The following FRAS1 variants were observed in gnomAD, a reference collection of about 807,000 sequenced individuals.
FRAS1 encodes the protein extracellular matrix organizing protein FRAS1.
A neutral mutation model predicts 435.2 loss-of-function variants in FRAS1; 290 were observed. The ratio of observed to expected loss-of-function variants is 0.67; its 90% confidence interval spans 0.61 to 0.73. FRAS1 has a LOEUF of 0.73. Among genes scored for constraint, FRAS1 ranks in the 30% least tolerant of loss-of-function variants. FRAS1 has a pLI of 0.00. For missense variants in FRAS1, 4,860 were observed against 5,001.5 expected (o/e 0.97, Z 0.85); for synonymous variants, 1,800 against 1,851.0 (o/e 0.97, Z 0.71).
At chr4:78,538,537 T>C (rs550629922) in intron 72 of FRAS1, among the ~76,000 whole-genome samples, 34 of 152,306 alleles carry the variant, frequency 2.2e-4, no homozygotes, top group African/African-American at 7.9e-4. Flanking sequence ...AGAGGTTTCA[T>C]TGACTTACAG....
At chr4:78,356,887 T>C (rs395186) in intron 20 of FRAS1, among the ~76,000 whole-genome samples, 25,802 of 152,028 alleles carry the variant, frequency 0.17, 2,884 homozygotes, top group African/African-American at 0.32. Context: ...CACACACGCA[T>C]ACACACACAG....
chr4:78,127,065 C>A (rs1297509272), intron 2 of FRAS1, among the ~76,000 whole-genome samples: 9 of 145,346 alleles, frequency 6.2e-5, no homozygotes, highest in Admixed American at 2.2e-4. Flanking sequence ...TCTAGTGAAC[C>A]AGACATATGT....
At chr4:78,137,882 C>T (rs1461418378) in intron 2 of FRAS1, among the ~76,000 whole-genome samples, 1 of 152,186 alleles carries the variant, frequency 6.6e-6, no homozygotes, top group African/African-American at 2.4e-5. Context: ...TGCCAGATTG[C>T]TTTAAGAGTT....
intron 2 of FRAS1, among the ~76,000 whole-genome samples, chr4:78,165,499 C>T (rs1373641594): frequency 6.6e-6 from 1 of 152,186 alleles, no homozygotes; most frequent in Non-Finnish European, 1.5e-5. Flanking sequence ...TCCACTTACT[C>T]TTCTGTAAAA....
chr4:78,257,509 G>A (rs1725848817), intron 6 of FRAS1, among the ~76,000 whole-genome samples: 2 of 152,176 alleles, frequency 1.3e-5, no homozygotes, highest in Non-Finnish European at 2.9e-5. Context: ...TTTGCAACCT[G>A]TCTTCAAGGA....
intron 23 of FRAS1, among the ~76,000 whole-genome samples, chr4:78,371,790 C>T (rs377084690): frequency 1.8e-3 from 270 of 152,320 alleles, no homozygotes; most frequent in African/African-American, 6.2e-3. Context: ...TTTCTGACTG[C>T]GTCAGAATTG....
chr4:78,079,287 G>A (rs556782281), intron 2 of FRAS1, among the ~76,000 whole-genome samples: 20 of 152,286 alleles, frequency 1.3e-4, no homozygotes, highest in African/African-American at 4.6e-4. Context: ...TAAGGAATCA[G>A]TGGAGAGAAA....
chr4:78,216,716 A>G (rs1723783324), intron 2 of FRAS1, among the ~76,000 whole-genome samples: 1 of 152,210 alleles, frequency 6.6e-6, no homozygotes, highest in Non-Finnish European at 1.5e-5. Flanking sequence ...TAGTGCCATG[A>G]AGCGAAATGG....
chr4:78,317,452 G>A lies in FRAS1; in HGVS notation c.1904G>A (p.Gly635Asp), dbSNP rs748717802. ...ACSPPKALRQ[G>D]HCLPRCGEGF... ...AGCCCCCCCAAGGCTCTGCGTCAAG[G>A]CCACTGTCTGCCCCGCTGTGGAGAG... Residue 635 changes from glycine (G) to aspartate (D), a missense_variant, in exon 17 of 74, where the codon GGC (glycine) becomes GAC (aspartate). By Grantham distance (94) the Gly-to-Asp change is moderately conservative. Coordinates refer to ENST00000512123, the MANE Select transcript of FRAS1 (RefSeq NM_025074.7). The A allele has an allele frequency of 6.2e-7, 1 of 1,613,888 alleles. No individual in the cohort carries two copies. Among genetic ancestry groups the A allele is most frequent in the Non-Finnish European group, 8.5e-7 (1 of 1,179,862 alleles).
At chr4:78,173,677 C>G (rs1251516776) in intron 2 of FRAS1, among the ~76,000 whole-genome samples, 1 of 152,186 alleles carries the variant, frequency 6.6e-6, no homozygotes, top group East Asian at 1.9e-4. Context: ...TTACTCAACT[C>G]ACGTCTTTCT....
intron 31 of FRAS1, among the ~76,000 whole-genome samples, chr4:78,409,211 TTAA>T (rs962000311): frequency 1.3e-5 from 2 of 150,306 alleles, no homozygotes; most frequent in African/African-American, 2.4e-5. Context: ...AAATTATAAA[TTAA>T]TAATAAAAGG....
At chr4:78,193,139 A>T (rs547728773) in intron 2 of FRAS1, among the ~76,000 whole-genome samples, 1 of 152,270 alleles carries the variant, frequency 6.6e-6, no homozygotes, top group African/African-American at 2.4e-5. Context: ...TCTGAGAGAC[A>T]GTTTGTTATC....
At chr4:78,185,778 A>G (rs115080804) in intron 2 of FRAS1, among the ~76,000 whole-genome samples, 148 of 152,196 alleles carry the variant, frequency 9.7e-4, no homozygotes, top group African/African-American at 3.5e-3. Context: ...AAAATCATCA[A>G]CCTTGGCTTT....
In FRAS1 at chr4:78,439,050, G is replaced by T. The variant is rs2109823495; in HGVS notation, c.5515G>T (p.Ala1839Ser). The part of the protein sequence containing the change: ...AENPPPVIAF[A>S]DLITVDEGGR... ...AAATCCACCTCCAGTCATTGCTTTTGCTGACCTTATCACGGTAAACAATTC... is the reference window on the plus strand; with the variant it reads ...AAATCCACCTCCAGTCATTGCTTTTTCTGACCTTATCACGGTAAACAATTC... Residue 1839 changes from alanine to serine, a missense_variant, in exon 40 of 74, where the codon GCT becomes TCT. Ala to Ser is a moderately conservative substitution (Grantham distance 99). Transcript: ENST00000512123. The T allele has an allele frequency of 6.2e-7, 1 of 1,612,970 alleles. No individual in the cohort carries two copies.
intron 2 of FRAS1, 114 bp from the exon 3 acceptor site, chr4:78,237,396 T>C: frequency 1.4e-6 from 1 of 691,358 alleles, no homozygotes; most frequent in South Asian, 1.9e-5. Flanking sequence ...GGTGTGCCTG[T>C]GACTTTTCTT....
chr4:78,477,912 G>T lies in FRAS1; in HGVS notation c.7949G>T (p.Ser2650Ile). The T allele has an allele frequency of 6.2e-7, 1 of 1,613,642 alleles. No homozygotes were observed. Among genetic ancestry groups the T allele is most frequent in the Non-Finnish European group, 8.5e-7 (1 of 1,179,780 alleles). Residue 2650 changes from serine to isoleucine, a missense_variant, in exon 55 of 74, where the codon AGC becomes ATC. Physicochemically the swap from Ser to Ile is moderately radical, Grantham distance 142. Coordinates refer to ENST00000512123, the MANE Select transcript of FRAS1 (RefSeq NM_025074.7). ...GTTGAGAGTTTCACTGTGGAGCTCA[G>T]CATGCCAGCTTATGCCCTGTTAGGG... ...ENVESFTVEL[S>I]MPAYALLGEF...
rs1721314838 is a variant in FRAS1, at chr4:78,519,405, C to CAGGG, written c.10465_10468dup (p.Gly3490GlufsTer19). The CAGGG allele has an allele frequency of 6.2e-7, 1 of 1,611,100 alleles. No individual in the cohort carries two copies. Among genetic ancestry groups the CAGGG allele is most frequent in the Non-Finnish European group, 8.5e-7 (1 of 1,178,846 alleles). On this transcript the variant is annotated frameshift_variant, in exon 67 of 74. Coordinates refer to ENST00000512123, the MANE Select transcript of FRAS1 (RefSeq NM_025074.7). LOFTEE classifies it high-confidence loss of function. ...TGTCCTACATCTATGTGACAGCCCC[C>CAGGG]AGGGGCTGGGCCTCCTTGGAGCACC...
chr4:78,539,476 AG>A, intron 73 of FRAS1, 36 bp downstream of exon 73: 5 of 1,495,232 alleles, frequency 3.3e-6, no homozygotes, highest in Non-Finnish European at 4.5e-6. Flanking sequence ...CTTAAGACCA[AG>A]TCTACTTTAA....
At chr4:78,374,448 T>G (rs1379368182) in intron 25 of FRAS1, among the ~76,000 whole-genome samples, 197 bp downstream of exon 25, 1 of 152,210 alleles carries the variant, frequency 6.6e-6, no homozygotes, top group Non-Finnish European at 1.5e-5. Flanking sequence ...TGTAAGCCAA[T>G]ATTCTCTTAC....
Sources: gnomAD v4.1 joint callset for allele counts (sites outside exome capture counted in the v4.1 genomes callset) on GRCh38, gnomAD v4.1.1 for gene constraint, MANE v1.5 for transcripts, NCBI Gene and HGNC (gene_info 2026-07-23, HGNC 2026-07-21) for gene names.